Variants in ASS1 observed in about 807,000 individuals in gnomAD.
ASS1 encodes argininosuccinate synthase 1.
In ASS1, 58 loss-of-function variants were observed where a neutral mutation model predicts 60.5. That is an observed-to-expected ratio of 0.96 (90% CI 0.78 to 1.19). The LOEUF (loss-of-function observed/expected upper bound fraction) is 1.19, where lower values mean the gene tolerates loss of function less well. Ranked by LOEUF, ASS1 falls within the 50% of genes most tolerant of loss-of-function variation. ASS1 has a pLI of 0.00. For missense variants in ASS1, 454 were observed against 547.3 expected (o/e 0.83, Z 1.70); for synonymous variants, 200 against 206.9 (o/e 0.97, Z 0.29).
intron 11 of ASS1, among the ~76,000 whole-genome samples, chr9:130,481,511 G>C (rs1732140281): frequency 6.6e-6 from 1 of 152,328 alleles, no homozygotes; most frequent in Middle Eastern, 3.4e-3. Context: ...AAAATCCAAA[G>C]AGAGCCGATC....
At position 130,470,146 on chromosome 9, in the gene ASS1, G is replaced by T. The variant is rs1845833133; in HGVS notation, c.496-688G>T. On this transcript the variant is annotated intron_variant, in intron 6 of 14. Transcript: ENST00000352480. The surrounding 1 kb of genome is among the most constrained non-coding windows in gnomAD (Gnocchi z 4.3). ...CTCCTCTTAAGGCTGAGTCAGGTGG[G>T]CCTTCCATGCGTGACCTGCAGCCCT... Among the ~76,000 whole-genome samples, 1 of 152,168 alleles carries T rather than the reference G, an allele frequency of 6.6e-6. No homozygotes were observed. The highest frequency in any genetic ancestry group is 1.5e-5 in the Non-Finnish European group (1 of 68,020).
intron 1 of ASS1, among the ~76,000 whole-genome samples, chr9:130,447,015 C>T (rs543909962): frequency 2.6e-5 from 4 of 152,368 alleles, no homozygotes; most frequent in Admixed American, 2.0e-4. Context: ...TCGTCCATCA[C>T]CAAAGACAAA....
At chr9:130,479,530 T>C in intron 9 of ASS1, among the ~76,000 whole-genome samples, 186 bp from the exon 10 acceptor site, 1 of 152,108 alleles carries the variant, frequency 6.6e-6, no homozygotes, top group Non-Finnish European at 1.5e-5. Flanking sequence ...TCTGGGGGGC[T>C]TTCTCGCCCC....
At chr9:130,500,225 C>G (rs1447340779) in intron 14 of ASS1, among the ~76,000 whole-genome samples, 1 of 152,192 alleles carries the variant, frequency 6.6e-6, no homozygotes, top group Non-Finnish European at 1.5e-5. Flanking sequence ...CAAGGGCAAA[C>G]AGGGTCGTTT....
At chr9:130,495,076 T>C (rs1483116412) in intron 13 of ASS1, 53 bp downstream of exon 13, 1 of 1,556,260 alleles carries the variant, frequency 6.4e-7, no homozygotes, top group Non-Finnish European at 8.7e-7. Context: ...AGCCTATCTT[T>C]TGACTGGATC....
intron 6 of ASS1, among the ~76,000 whole-genome samples, chr9:130,469,411 CT>C (rs1046980727): frequency 1.0e-4 from 15 of 149,290 alleles, no homozygotes; most frequent in Admixed American, 2.7e-4. Context: ...TCTTTCTCTT[CT>C]TTTTTTTTTC....
At chr9:130,449,051 C>A (rs1588468565) in intron 1 of ASS1, among the ~76,000 whole-genome samples, 1 of 152,188 alleles carries the variant, frequency 6.6e-6, no homozygotes, top group East Asian at 1.9e-4. Flanking sequence ...AGCATGATGG[C>A]CGGATGTAGT....
rs1845523363 is a variant in ASS1, at chr9:130,459,155, A to C, written c.363+566A>C. ...TCTGCCTCATGGTTCTGGAGGCCTGAGGTCCATAGTGAGGGCATGGGCAGG... is the reference window on the plus strand; with the variant it reads ...TCTGCCTCATGGTTCTGGAGGCCTGCGGTCCATAGTGAGGGCATGGGCAGG... On this transcript the variant is annotated intron_variant, in intron 4 of 14. Transcript: ENST00000352480. This position sits in a 1 kb window ranked among gnomAD's most constrained non-coding sequence, Gnocchi z 4.6. 6.6e-6 allele frequency among the ~76,000 whole-genome samples: 1 copy of C among 152,148 alleles called. No individual in the cohort carries two copies. Among genetic ancestry groups the C allele is most frequent in the Admixed American group, 6.5e-5 (1 of 15,280 alleles).
At chr9:130,444,793 G>C (rs1039838450), upstream of ASS1, 1 of 152,106 alleles carries the variant, frequency 6.6e-6, no homozygotes, top group African/African-American at 2.4e-5. This position sits in a 1 kb window ranked among gnomAD's most constrained non-coding sequence, Gnocchi z 4.7. Flanking sequence ...CGAGGCCTGG[G>C]GAGGCGGGCC....
chr9:130,473,997 C>T (rs534737), intron 8 of ASS1, among the ~76,000 whole-genome samples: 28,411 of 129,516 alleles, frequency 0.22, 4,130 homozygotes, highest in Non-Finnish European at 0.32. Context: ...TTCTTTCGCC[C>T]TCTCCCCCTA....
chr9:130,445,111 C>T, intron 1 of ASS1, 116 bp downstream of exon 1: 1 of 979,660 alleles, frequency 1.0e-6, no homozygotes, highest in Non-Finnish European at 1.2e-6. Context: ...AGGCAGAGGG[C>T]GGACCCCGAT....
intron 8 of ASS1, among the ~76,000 whole-genome samples, chr9:130,475,355 T>C (rs182251800): frequency 6.6e-6 from 1 of 152,284 alleles, no homozygotes; most frequent in East Asian, 1.9e-4. Context: ...TTAAAAAATA[T>C]ATATATACTA....
Position 130,491,373 on chromosome 9 carries a change from C to T in ASS1, c.970+1909C>T, listed in dbSNP as rs943917598. ...GCTGATCCCACCGTGGCCGCGGCCA[C>T]GGCTGCCACTTATCCTGCCATCTTG... On this transcript the variant is annotated intron_variant, in intron 12 of 14. Coordinates refer to ENST00000352480, the MANE Select transcript of ASS1 (RefSeq NM_054012.4). The surrounding 1 kb of genome is among the most constrained non-coding windows in gnomAD (Gnocchi z 5.3). 2.6e-5 allele frequency among the ~76,000 whole-genome samples: 4 copies of T among 152,202 alleles called. No homozygotes were observed. The highest frequency in any genetic ancestry group is 1.9e-4 in the East Asian group (1 of 5,178).
chr9:130,480,585 C>A (rs1019661294), intron 11 of ASS1, 136 bp downstream of exon 11: 1 of 893,202 alleles, frequency 1.1e-6, no homozygotes, highest in Non-Finnish European at 1.8e-6. Flanking sequence ...CACCACACCC[C>A]GTGAGACCGC....
Position 130,476,523 on chromosome 9 carries a change from C to T in ASS1, c.598-348C>T. The T allele has an allele frequency of 2.3e-6, 1 of 443,078 alleles. No individual in the cohort carries two copies. Among genetic ancestry groups the T allele is most frequent in the South Asian group, 2.2e-5 (1 of 45,690 alleles). The allele number at this position is 443,078 out of a possible 1,614,324, so 27.4% of individuals were successfully genotyped here. On this transcript the variant is annotated intron_variant, in intron 8 of 14. Transcript: ENST00000352480. This position sits in a 1 kb window ranked among gnomAD's most constrained non-coding sequence, Gnocchi z 4.9. ...CGAGCCGGCGAGAGCGTGCGTGCCGCTCCTGGGAAGCCCTCGGAACGCCGC... is the reference window on the plus strand; with the variant it reads ...CGAGCCGGCGAGAGCGTGCGTGCCGTTCCTGGGAAGCCCTCGGAACGCCGC...
Position 130,468,694 on chromosome 9 carries a change from A to T in ASS1, c.495+1895A>T, listed in dbSNP as rs1020179499. Among the ~76,000 whole-genome samples the T allele has an allele frequency of 2.0e-5, 3 of 152,054 alleles. No homozygotes were observed. The South Asian group carries it at 6.2e-4, about 32-fold the overall frequency. On this transcript the variant is annotated intron_variant, in intron 6 of 14. Transcript: ENST00000352480. ...TAATCCACCCTCCTTGGCCTCCCCA[A>T]AGTATTGGGATTGCAGGTGTGAGCC...
intron 6 of ASS1, among the ~76,000 whole-genome samples, chr9:130,469,443 C>T (rs1162319981): frequency 6.6e-6 from 1 of 151,584 alleles, no homozygotes; most frequent in Non-Finnish European, 1.5e-5. Context: ...TAGAGTCTCA[C>T]TCTGTCACCC....
chr9:130,445,084 C>T, intron 1 of ASS1, 89 bp downstream of exon 1: 1 of 937,194 alleles, frequency 1.1e-6, no homozygotes, highest in Non-Finnish European at 1.3e-6. Flanking sequence ...AGAAGACGCC[C>T]GCCCCGGGGC....
chr9:130,450,860 G>A (rs968372825), intron 1 of ASS1, among the ~76,000 whole-genome samples: 4 of 152,252 alleles, frequency 2.6e-5, no homozygotes, highest in African/African-American at 9.6e-5. Context: ...GACCCTGGGT[G>A]ACTCTGACCT....
Sources: allele counts gnomAD v4.1 joint callset (sites outside exome capture counted in the v4.1 genomes callset), GRCh38; gene constraint gnomAD v4.1.1; non-coding constraint Gnocchi (gnomAD v3.1); transcripts MANE v1.5; gene names NCBI Gene and HGNC (gene_info 2026-07-23, HGNC 2026-07-21).